Variants in ZFHX3 observed in about 807,000 individuals in gnomAD.
ZFHX3 encodes zinc finger homeobox 3, also known as zinc finger homeobox protein 3.
In ZFHX3, 42 loss-of-function variants were observed where a neutral mutation model predicts 279.1. The ratio of observed to expected loss-of-function variants is 0.15; its 90% CI spans 0.12 to 0.19. The LOEUF is 0.19. Among genes scored for constraint, ZFHX3 ranks in the 10% least tolerant of loss-of-function variants. ZFHX3 has a pLI of 1.00. For missense variants in ZFHX3, 4,981 were observed against 4,754.0 expected, an observed-to-expected ratio of 1.05 and a Z score of -1.40; for synonymous variants, 2,293 against 1,957.8, an observed-to-expected ratio of 1.17 and a Z score of -4.52.
At chr16:73,349,528 G>A (rs2016185034) in intron 3 of ZFHX3, among the ~76,000 whole-genome samples, 1 of 152,122 alleles carries the variant, frequency 6.6e-6, no homozygotes, top group African/African-American at 2.4e-5. Flanking sequence ...AAGAGATAAG[G>A]AGTACAGATG....
Position 72,794,048 on chromosome 16 carries a change from C to A in ZFHX3, c.8634G>T (p.Ala2878=), listed in dbSNP as rs781610892. ...CATACTCAGACATTGCCATCATGGC[C>A]GCTTTGGTCAACCCTTCGTTGGGTG... ...SSAPNEGLTK[A]AMMAMSEYED... Residue 2878 remains alanine (A), a synonymous_variant, in exon 9 of 10, where the codon GCG becomes GCT. Coordinates refer to ENST00000268489, the MANE Select transcript of ZFHX3 (RefSeq NM_006885.4). This position sits in a 1 kb window ranked among gnomAD's most constrained non-coding sequence, Gnocchi z 4.2. The A allele has an allele frequency of 1.2e-6, 2 of 1,614,202 alleles. No homozygotes were observed. Among genetic ancestry groups the A allele is most frequent in the Non-Finnish European group, 1.7e-6 (2 of 1,180,048 alleles).
intron 2 of ZFHX3, among the ~76,000 whole-genome samples, chr16:73,644,227 G>A (rs767056131): frequency 2.6e-5 from 4 of 151,954 alleles, no homozygotes; most frequent in African/African-American, 7.3e-5. Context: ...GATGACTTCC[G>A]AGTCCTCCTT....
At chr16:72,954,562 T>C (rs888402749) in intron 2 of ZFHX3, among the ~76,000 whole-genome samples, 2 of 152,026 alleles carry the variant, frequency 1.3e-5, no homozygotes, top group African/African-American at 2.4e-5. Flanking sequence ...CACTCTGGAA[T>C]GAAAGGGAGA....
At chr16:73,008,130 A>G (rs1963781218) in intron 1 of ZFHX3, among the ~76,000 whole-genome samples, 1 of 152,166 alleles carries the variant, frequency 6.6e-6, no homozygotes, top group Non-Finnish European at 1.5e-5. Context: ...AGCTGTCTTT[A>G]GGCTTGTTTT....
intron 5 of ZFHX3, among the ~76,000 whole-genome samples, chr16:72,815,405 CAAAA>C (rs369741126): frequency 1.1e-5 from 1 of 93,050 alleles, no homozygotes. Flanking sequence ...GAGACTGTCT[CAAAA>C]AAAAAAAAAA....
chr16:73,238,437 C>A (rs2013020223), intron 5 of ZFHX3, among the ~76,000 whole-genome samples: 2 of 152,160 alleles, frequency 1.3e-5, no homozygotes, highest in Admixed American at 1.3e-4. Flanking sequence ...TCACCCTCTT[C>A]TTTTTCTCCC....
intron 3 of ZFHX3, among the ~76,000 whole-genome samples, chr16:73,451,766 A>T (rs1413320692): frequency 6.6e-6 from 1 of 152,226 alleles, no homozygotes; most frequent in East Asian, 1.9e-4. Flanking sequence ...GAATTTTTTT[A>T]AAAAACGGAA....
intron 3 of ZFHX3, among the ~76,000 whole-genome samples, chr16:72,929,340 G>A (rs1320143637): frequency 6.6e-6 from 1 of 151,866 alleles, no homozygotes; most frequent in African/African-American, 2.4e-5. Context: ...TAAATTAACT[G>A]ACCCTTGCTT....
rs368912199 is a variant in ZFHX3, at chr16:73,818,095, A to G, written c.-1608+73556T>C. ...ATTTTTTAAGTGCTTTCTGAGACCCAAACGGGTCAGGCTTGAAATGCTGTA... is the reference window on the plus strand; with the variant it reads ...ATTTTTTAAGTGCTTTCTGAGACCCGAACGGGTCAGGCTTGAAATGCTGTA... On this transcript the variant is annotated intron_variant, in intron 1 of 17. Coordinates refer to the ZFHX3 transcript ENST00000641206. Among the ~76,000 whole-genome samples the G allele has an allele frequency of 1.3e-4, 20 of 152,358 alleles. 1 individual carries two copies. The highest frequency in any genetic ancestry group is 6.5e-4 in the Admixed American group (10 of 15,312).
chr16:72,831,847 T>C (rs979498762), intron 4 of ZFHX3, among the ~76,000 whole-genome samples: 6 of 152,214 alleles, frequency 3.9e-5, no homozygotes, highest in African/African-American at 9.6e-5. Context: ...TGTTGATACA[T>C]TTATGCCTAT....
Position 72,797,494 on chromosome 16 carries a change from G to C in ZFHX3, c.5188C>G (p.Gln1730Glu), listed in dbSNP as rs1311209038. 6.2e-7 allele frequency: 1 copy of C among 1,612,996 alleles called. No individual in the cohort carries two copies. Residue 1730 changes from glutamine (Q) to glutamate (E), a missense_variant, in exon 9 of 10, where the codon CAA becomes GAA. Coordinates refer to ENST00000268489, the MANE Select transcript of ZFHX3 (RefSeq NM_006885.4). Reference protein sequence around the residue: ...ASRQQQQQQQQQQQQQQQQQQ... With the variant: ...ASRQQQQQQQEQQQQQQQQQQ... ...TGTTGTTGTTGTTGTTGTTGCTGTTGCTGCTGCTGTTGTTGCTGCTGCCTG... is the reference window on the plus strand; with the variant it reads ...TGTTGTTGTTGTTGTTGTTGCTGTTCCTGCTGCTGTTGTTGCTGCTGCCTG...
intron 5 of ZFHX3, among the ~76,000 whole-genome samples, chr16:73,219,592 C>G (rs968044381): frequency 6.6e-6 from 1 of 152,206 alleles, no homozygotes; most frequent in African/African-American, 2.4e-5. Context: ...AGGGGTACTG[C>G]AATTTCCTAT....
intron 5 of ZFHX3, among the ~76,000 whole-genome samples, chr16:73,181,946 G>A (rs1218430839): frequency 2.0e-5 from 3 of 152,154 alleles, no homozygotes; most frequent in Admixed American, 1.3e-4. Context: ...CTGAGGAGAA[G>A]TTGGTTATTC....
At chr16:73,096,179 T>TGCTCCGGCTGCCTGCCC (rs1426931616) in intron 7 of ZFHX3, among the ~76,000 whole-genome samples, 1 of 152,078 alleles carries the variant, frequency 6.6e-6, no homozygotes, top group Admixed American at 6.6e-5. Flanking sequence ...CCTGCCTGCC[T>TGCTCCGGCTGCCTGCCC]GCTCCGGCTG....
chr16:73,448,598 T>C (rs745429470), intron 3 of ZFHX3, among the ~76,000 whole-genome samples: 6 of 151,870 alleles, frequency 4.0e-5, no homozygotes, highest in Non-Finnish European at 7.4e-5. Flanking sequence ...ATAATAGATG[T>C]TCCTGGAGTA....
intron 1 of ZFHX3, among the ~76,000 whole-genome samples, chr16:73,834,805 C>T (rs935501646): frequency 8.5e-5 from 13 of 152,276 alleles, no homozygotes; most frequent in East Asian, 3.9e-4. Flanking sequence ...GCAGGAGAAC[C>T]GCTTGAATCC....
chr16:73,182,299 A>C (rs1967814626), intron 5 of ZFHX3, among the ~76,000 whole-genome samples: 1 of 152,210 alleles, frequency 6.6e-6, no homozygotes, highest in South Asian at 2.1e-4. Context: ...TCTACTAAAA[A>C]TACAAAACTT....
At chr16:73,300,509 CTT>C (rs750858471) in intron 4 of ZFHX3, among the ~76,000 whole-genome samples, 4 of 144,124 alleles carry the variant, frequency 2.8e-5, no homozygotes, top group African/African-American at 5.1e-5. Flanking sequence ...TGCTCCTTGA[CTT>C]TTTTTTTTTT....
intron 5 of ZFHX3, among the ~76,000 whole-genome samples, chr16:73,173,926 G>A (rs1002309092): frequency 1.3e-5 from 2 of 152,142 alleles, no homozygotes; most frequent in Non-Finnish European, 2.9e-5. Flanking sequence ...GTGTTGGGGT[G>A]GAACCATGTA....
Sources: allele counts gnomAD v4.1 joint callset (sites outside exome capture counted in the v4.1 genomes callset), GRCh38; gene constraint gnomAD v4.1.1; non-coding constraint Gnocchi (gnomAD v3.1); transcripts MANE v1.5; gene names NCBI Gene and HGNC (gene_info 2026-07-23, HGNC 2026-07-21).